The following RBM19 variants were observed in gnomAD, a reference collection of about 807,000 sequenced individuals.
The protein encoded by RBM19 is RNA binding motif protein 19.
Under a neutral mutation model 116.8 loss-of-function variants are expected in RBM19, and 94 were observed. The ratio of observed to expected loss-of-function variants is 0.80; its 90% CI spans 0.68 to 0.95. The LOEUF (loss-of-function observed/expected upper bound fraction) is 0.95. Among genes scored for constraint, RBM19 ranks in the 40% least tolerant of loss-of-function variants. RBM19 has a pLI of 0.00. For synonymous variants in RBM19, 475 were observed against 494.1 expected (o/e 0.96, Z 0.51); for missense variants, 1,161 against 1,220.7 (o/e 0.95, Z 0.73).
chr12:113,915,088 G>A lies in RBM19; in HGVS notation c.2442-3C>T. 6.2e-7 allele frequency: 1 copy of A among 1,612,958 alleles called. No homozygotes were observed. The highest frequency in any genetic ancestry group is 1.7e-5 in the Admixed American group (1 of 60,026). ...TCCGAGCCAATGTCACGGCTGGCCT[G>A]GAGTGGTGGGGGGAGAGGGTCCAAG... On this transcript the variant is annotated splice_polypyrimidine_tract_variant and splice_region_variant and intron_variant, in intron 20 of 23. Transcript: ENST00000261741.
At chr12:113,926,256 T>G (rs1593596769) in intron 17 of RBM19, among the ~76,000 whole-genome samples, 1 of 152,166 alleles carries the variant, frequency 6.6e-6, no homozygotes, top group South Asian at 2.1e-4. Flanking sequence ...CATGATCGAA[T>G]TTTAGGGTTC....
chr12:113,937,057 T>A lies in RBM19; in HGVS notation c.2018A>T (p.Gln673Leu). 2.5e-6 allele frequency: 4 copies of A among 1,614,152 alleles called. No individual in the cohort carries two copies. Among genetic ancestry groups the A allele is most frequent in the Non-Finnish European group, 3.4e-6 (4 of 1,180,032 alleles). The change falls in exon 16 of 24, where the codon CAA (glutamine) becomes CTA (leucine). Residue 673 changes from glutamine to leucine, a missense_variant. Coordinates refer to ENST00000261741, the MANE Select transcript of RBM19 (RefSeq NM_016196.4). ...SSTAPQKKKLQDTPSEPMEKD... is the reference protein window; with the variant it reads ...SSTAPQKKKLLDTPSEPMEKD... ...TTCCATGGGTTCTGAAGGTGTGTCT[T>A]GGAGCTTTTTCTTCTGTGGGGCTGT...
intron 21 of RBM19, among the ~76,000 whole-genome samples, chr12:113,869,470 C>T (rs1296810097): frequency 6.6e-6 from 1 of 152,158 alleles, no homozygotes; most frequent in East Asian, 1.9e-4. Context: ...TCAGTTCCAC[C>T]CCTCTGCCTG....
At chr12:113,846,912 T>A (rs905182563) in intron 22 of RBM19, among the ~76,000 whole-genome samples, 6 of 152,104 alleles carry the variant, frequency 3.9e-5, no homozygotes, top group African/African-American at 1.4e-4. Flanking sequence ...GGGGTCTCCC[T>A]ACATTGCCCA....
intron 12 of RBM19, 77 bp from the exon 13 acceptor site, chr12:113,946,001 A>G: frequency 7.5e-7 from 1 of 1,333,686 alleles, no homozygotes; most frequent in Non-Finnish European, 1.1e-6. Context: ...CGAATCCTGT[A>G]AGAAATGGGC....
chr12:113,914,864 C>T lies in RBM19; in HGVS notation c.2558+105G>A, dbSNP rs1027621814. The T allele has an allele frequency of 3.0e-4, 289 of 949,004 alleles. 1 individual carries two copies. In the Middle Eastern group the frequency reaches 3.5e-3, roughly 11 times the overall value. 58.8% of individuals were successfully genotyped at this position (949,004 alleles called of 1,614,324 possible). On this transcript the variant is annotated intron_variant, in intron 21 of 23. Coordinates refer to ENST00000261741, the MANE Select transcript of RBM19 (RefSeq NM_016196.4). ...GATGACCTTTGAAAGACCACTGTGC[C>T]GGCCTGCAACGGAACCATCCAGGAC...
intron 8 of RBM19, 152 bp from the exon 9 acceptor site, chr12:113,950,306 C>G (rs1321998754): frequency 7.9e-6 from 5 of 632,822 alleles, no homozygotes; most frequent in Non-Finnish European, 1.4e-5. Context: ...GTCTCCCTCT[C>G]TCTGTCTCCC....
intron 23 of RBM19, among the ~76,000 whole-genome samples, chr12:113,836,022 T>C (rs749594148): frequency 6.6e-6 from 1 of 152,186 alleles, no homozygotes; most frequent in Non-Finnish European, 1.5e-5. Context: ...CCTGAAAGCT[T>C]CTCGATGCCG....
At chr12:113,960,279 CT>C in intron 2 of RBM19, 101 bp from the exon 3 acceptor site, 2 of 1,514,972 alleles carry the variant, frequency 1.3e-6, no homozygotes, top group Non-Finnish European at 1.8e-6. Context: ...ACAACTGTCA[CT>C]GCCTAGCTGA....
chr12:113,946,324 G>A, intron 12 of RBM19, 30 bp downstream of exon 12: 1 of 1,613,982 alleles, frequency 6.2e-7, no homozygotes, highest in Non-Finnish European at 8.5e-7. Flanking sequence ...GTTGGGGTTG[G>A]AGCTCAGTGG....
intron 21 of RBM19, among the ~76,000 whole-genome samples, chr12:113,873,994 C>T (rs962778190): frequency 2.0e-5 from 3 of 152,180 alleles, no homozygotes; most frequent in African/African-American, 7.2e-5. Context: ...CCAGTCACCG[C>T]CCTGCTAAAT....
At chr12:113,824,416 C>A (rs747367679) in intron 23 of RBM19, among the ~76,000 whole-genome samples, 3 of 152,182 alleles carry the variant, frequency 2.0e-5, no homozygotes, top group Non-Finnish European at 4.4e-5. Flanking sequence ...AGGTTGGAAT[C>A]CAGGCTGGCT....
intron 16 of RBM19, among the ~76,000 whole-genome samples, chr12:113,931,408 G>A (rs961177350): frequency 6.6e-6 from 1 of 152,118 alleles, no homozygotes; most frequent in Admixed American, 6.5e-5. Context: ...TGCTTCGAAG[G>A]GGGAAGAGTT....
intron 23 of RBM19, among the ~76,000 whole-genome samples, chr12:113,830,484 T>C (rs1247741989): frequency 6.7e-6 from 1 of 150,348 alleles, no homozygotes; most frequent in Non-Finnish European, 1.5e-5. Flanking sequence ...CAGAATTCTA[T>C]GACTGGCCAC....
intron 21 of RBM19, among the ~76,000 whole-genome samples, chr12:113,889,647 C>A (rs997792426): frequency 1.4e-5 from 2 of 141,364 alleles, no homozygotes; most frequent in African/African-American, 5.5e-5. Context: ...GTTTTTCATA[C>A]TAAAAAAACA....
rs1250940188 is a variant in RBM19, at chr12:113,943,142, G to T, written c.1627-708C>A. ...TCACGTTGCTGACCAGCCCACCCTT[G>T]CGGTGACACCCTATCCCTCCCTTGG... is the stretch of plus-strand genomic sequence containing the variant. On this transcript the variant is annotated intron_variant, in intron 13 of 23. Transcript: ENST00000261741. 8.5e-4 allele frequency among the ~76,000 whole-genome samples: 129 copies of T among 152,266 alleles called. 2 individuals are homozygous for T. The highest frequency in any genetic ancestry group is 4.4e-5 in the Non-Finnish European group (3 of 68,022).
chr12:113,966,145 C>G lies in RBM19; in HGVS notation c.36+47G>C, dbSNP rs201081042. On this transcript the variant is annotated intron_variant, in intron 1 of 23. Coordinates refer to ENST00000261741, the MANE Select transcript of RBM19 (RefSeq NM_016196.4). ...GGCATCTCTTCCCTACCTCACAGCT[C>G]CCGGCTGGTCTCATTTCAGATTCCC... The G allele has an allele frequency of 1.2e-4, 199 of 1,613,484 alleles. No homozygotes were observed. In the African/African-American group the frequency reaches 2.4e-3, roughly 20 times the overall value.
chr12:113,869,283 C>T (rs954418174), intron 21 of RBM19, among the ~76,000 whole-genome samples: 7 of 152,200 alleles, frequency 4.6e-5, no homozygotes, highest in Non-Finnish European at 7.3e-5. Context: ...AGCAGTGGAT[C>T]TCCCTCTTAT....
chr12:113,842,928 A>C (rs765864706), intron 23 of RBM19, among the ~76,000 whole-genome samples: 5 of 152,192 alleles, frequency 3.3e-5, no homozygotes, highest in Non-Finnish European at 7.4e-5. Context: ...TGGTGGGAGG[A>C]AGGAGGAGTC....
Sources: allele counts gnomAD v4.1 joint callset (sites outside exome capture counted in the v4.1 genomes callset), GRCh38; gene constraint gnomAD v4.1.1; transcripts MANE v1.5; gene names NCBI Gene and HGNC (gene_info 2026-07-23, HGNC 2026-07-21).